Variants in ASAP2 observed in about 807,000 individuals in gnomAD.
ASAP2 encodes the protein arf-GAP with SH3 domain, ANK repeat and PH domain-containing protein 2.
A neutral mutation model predicts 131.4 loss-of-function variants in ASAP2; 45 were observed. The ratio of observed to expected loss-of-function variants is 0.34; its 90% confidence interval spans 0.27 to 0.44. The LOEUF (loss-of-function observed/expected upper bound fraction) is 0.44. ASAP2 is among the 20% of genes least tolerant of loss of function. The pLI is 1.00. For missense variants in ASAP2, 1,011 were observed against 1,297.0 expected (o/e 0.78, Z 3.39); for synonymous variants, 510 against 503.0 (o/e 1.01, Z -0.19).
chr2:9,273,115 T>C (rs185847970), intron 1 of ASAP2, among the ~76,000 whole-genome samples: 1 of 152,352 alleles, frequency 6.6e-6, no homozygotes, highest in East Asian at 1.9e-4. Context: ...GAGATTGCAT[T>C]GAATCTGTAA....
At chr2:9,208,342 T>C (rs1240996291) in intron 1 of ASAP2, among the ~76,000 whole-genome samples, 1 of 83,784 alleles carries the variant, frequency 1.2e-5, no homozygotes, top group Non-Finnish European at 2.2e-5. Context: ...CAGGAGTGTG[T>C]GTGTGGGTGG....
chr2:9,316,995 A>G (rs1288431796), intron 3 of ASAP2, among the ~76,000 whole-genome samples: 4 of 130,620 alleles, frequency 3.1e-5, no homozygotes, highest in Non-Finnish European at 4.8e-5. Context: ...GTCCACTCTC[A>G]TACACTCTCA....
intron 1 of ASAP2, among the ~76,000 whole-genome samples, chr2:9,278,822 C>G (rs1666928630): frequency 6.6e-6 from 1 of 152,204 alleles, no homozygotes; most frequent in Admixed American, 6.5e-5. Context: ...CGTCTTCTAA[C>G]ACAGCTTACA....
At chr2:9,349,804 G>T (rs1434147470) in intron 11 of ASAP2, among the ~76,000 whole-genome samples, 2 of 152,200 alleles carry the variant, frequency 1.3e-5, no homozygotes, top group African/African-American at 4.8e-5. Flanking sequence ...AAGCTGCTGG[G>T]CCTGTAAGTG....
rs1247106490 is a variant in ASAP2, at chr2:9,400,268, CTCT to C, written c.2734+197_2734+199del. On this transcript the variant is annotated intron_variant, in intron 25 of 27. Transcript: ENST00000281419. ...GCCCCCTTCCCCTCCTGCCCTCTTCCTCTCCTTCCTTCCCTCCTTCCTTCCTTC... is the reference window on the plus strand; with the variant it reads ...GCCCCCTTCCCCTCCTGCCCTCTTCCCCTTCCTTCCCTCCTTCCTTCCTTC... 7.7e-4 allele frequency among the ~76,000 whole-genome samples: 89 copies of C among 115,038 alleles called. 1 individual carries two copies. The highest frequency in any genetic ancestry group is 5.0e-3 in the Middle Eastern group (1 of 200). The allele number at this position is 115,038 out of a possible 152,430, so 75.5% of individuals were successfully genotyped here.
intron 3 of ASAP2, among the ~76,000 whole-genome samples, chr2:9,305,643 G>C (rs1490951509): frequency 1.3e-4 from 17 of 135,226 alleles, no homozygotes; most frequent in Middle Eastern, 4.2e-3. Flanking sequence ...GGAGTAGTGG[G>C]GTATACATAT....
intron 1 of ASAP2, among the ~76,000 whole-genome samples, chr2:9,279,031 T>C (rs1290670917): frequency 6.6e-6 from 1 of 152,096 alleles, no homozygotes; most frequent in Non-Finnish European, 1.5e-5. Flanking sequence ...GTCCAGCAGG[T>C]GCTGTGGGCA....
chr2:9,402,242 G>A (rs1293812355), intron 27 of ASAP2, among the ~76,000 whole-genome samples: 4 of 152,214 alleles, frequency 2.6e-5, no homozygotes, highest in Admixed American at 2.0e-4. Flanking sequence ...CTCCAGAGGC[G>A]CTGTGAGCTC....
At chr2:9,401,441 G>A (rs770585926) in intron 27 of ASAP2, 45 bp downstream of exon 27, 24 of 1,600,984 alleles carry the variant, frequency 1.5e-5, no homozygotes, top group African/African-American at 4.0e-5. Flanking sequence ...GCTGAGCCAC[G>A]TCCCTGCCCA....
At chr2:9,386,596 T>G in intron 21 of ASAP2, among the ~76,000 whole-genome samples, 1 of 152,328 alleles carries the variant, frequency 6.6e-6, no homozygotes. Flanking sequence ...AATTTAGAAA[T>G]ATGTGTGAAG....
rs577451580 is a variant in ASAP2 at position 9,394,416 on chromosome 2, G to A, written c.2684+769G>A. On this transcript the variant is annotated intron_variant, in intron 24 of 27. Coordinates refer to ENST00000281419, the MANE Select transcript of ASAP2 (RefSeq NM_003887.3). ...CCTGACCTCGTGATCCACCTGCCTC[G>A]GCCTCCCAAAGTGCTGGGATTACAG... Among the ~76,000 whole-genome samples the A allele has an allele frequency of 2.6e-3, 388 of 152,068 alleles. 3 individuals are homozygous for A. Among genetic ancestry groups the A allele is most frequent in the African/African-American group, 9.0e-3 (374 of 41,474 alleles).
chr2:9,335,081 G>C lies in ASAP2; in HGVS notation c.763-12G>C. ...TTCTGATTGGTTCTGTTGTGTGTGT[G>C]TGTTTTTAAAGATCAAACAGGCCCA... On this transcript the variant is annotated splice_polypyrimidine_tract_variant and intron_variant, in intron 8 of 27. Coordinates refer to ENST00000281419, the MANE Select transcript of ASAP2 (RefSeq NM_003887.3). 1 of 1,612,578 alleles carries C rather than the reference G, an allele frequency of 6.2e-7. No individual in the cohort carries two copies. Among genetic ancestry groups the C allele is most frequent in the South Asian group, 1.1e-5 (1 of 91,050 alleles).
chr2:9,206,901 C>A lies in ASAP2; in HGVS notation c.-204C>A. On this transcript the variant is annotated 5_prime_UTR_variant, in exon 1 of 28. Transcript: ENST00000281419. This position sits in a 1 kb window ranked among gnomAD's most constrained non-coding sequence, Gnocchi z 4.0. ...TCGGAGCCCTCGGCGCGCAGGCGGG[C>A]GGACCGGCCGAGCTGCGCGGGGCTG... 4.5e-6 allele frequency: 1 copy of A among 222,250 alleles called. No individual in the cohort carries two copies. The highest frequency in any genetic ancestry group is 7.4e-6 in the Non-Finnish European group (1 of 135,342). 13.8% of individuals were successfully genotyped at this position (222,250 alleles called of 1,614,324 possible).
In ASAP2 at chr2:9,217,804, C is replaced by T. The variant is rs1412830533; in HGVS notation, c.126+10574C>T. 7.9e-5 allele frequency among the ~76,000 whole-genome samples: 12 copies of T among 151,662 alleles called. No homozygotes were observed. Among genetic ancestry groups the T allele is most frequent in the African/African-American group, 2.4e-4 (10 of 41,382 alleles). On this transcript the variant is annotated intron_variant, in intron 1 of 27. Coordinates refer to ENST00000281419, the MANE Select transcript of ASAP2 (RefSeq NM_003887.3). This position sits in a 1 kb window ranked among gnomAD's most constrained non-coding sequence, Gnocchi z 4.0. Reference sequence around the variant, plus strand: ...TAATTTTTGGTATTTTTAGTAGAGACGGGGTTTCACTGTGTTAGCCAGGAT... The same window carrying T: ...TAATTTTTGGTATTTTTAGTAGAGATGGGGTTTCACTGTGTTAGCCAGGAT...
rs76903871 is a variant in ASAP2 at position 9,316,787 on chromosome 2, A to G, written c.346-1737A>G. On this transcript the variant is annotated intron_variant, in intron 3 of 27. Transcript: ENST00000281419. Reference sequence around the variant, plus strand: ...GGTTAGGAGGCTTCCATTCCACCCAATTTAATCCATGCGGACGGTGTGTGT... The same window carrying G: ...GGTTAGGAGGCTTCCATTCCACCCAGTTTAATCCATGCGGACGGTGTGTGT... 5.1e-3 allele frequency among the ~76,000 whole-genome samples: 775 copies of G among 152,044 alleles called. 7 individuals are homozygous for G. Among genetic ancestry groups the G allele is most frequent in the Non-Finnish European group, 8.9e-3 (606 of 67,954 alleles).
chr2:9,207,246 C>T lies in ASAP2; in HGVS notation c.126+16C>T, dbSNP rs1168314099. The T allele has an allele frequency of 1.3e-6, 2 of 1,543,234 alleles. No individual in the cohort carries two copies. The highest frequency in any genetic ancestry group is 1.7e-6 in the Non-Finnish European group (2 of 1,148,356). The stretch of plus-strand genomic sequence containing the variant: ...CATCGAGGAGGTGAGGCGGCCTGCG[C>T]GGCGGCTCCGGCCGCAGGTATCCCG... On this transcript the variant is annotated intron_variant, in intron 1 of 27. Transcript: ENST00000281419. The surrounding 1 kb of genome is among the most constrained non-coding windows in gnomAD (Gnocchi z 4.1).
intron 5 of ASAP2, 81 bp from the exon 6 acceptor site, chr2:9,323,040 G>A (rs1223263068): frequency 9.0e-6 from 14 of 1,555,164 alleles, no homozygotes; most frequent in Non-Finnish European, 1.1e-5. Flanking sequence ...TCGCCAGGCT[G>A]GGTACTGGGG....
chr2:9,234,619 G>A (rs538067878), intron 1 of ASAP2, among the ~76,000 whole-genome samples: 2 of 152,320 alleles, frequency 1.3e-5, no homozygotes, highest in South Asian at 2.1e-4. Flanking sequence ...TCCCCATTGT[G>A]TGGATCCAGA....
At chr2:9,329,127 G>T (rs1021746467) in intron 7 of ASAP2, among the ~76,000 whole-genome samples, 2 of 152,158 alleles carry the variant, frequency 1.3e-5, no homozygotes, top group Non-Finnish European at 2.9e-5. Flanking sequence ...GATAAGGAGT[G>T]GGGGAAGAAC....
Sources: gnomAD v4.1 joint callset for allele counts (sites outside exome capture counted in the v4.1 genomes callset) on GRCh38, gnomAD v4.1.1 for gene constraint, Gnocchi (gnomAD v3.1) non-coding constraint, MANE v1.5 for transcripts, NCBI Gene and HGNC (gene_info 2026-07-23, HGNC 2026-07-21) for gene names.